Variants in SYNPR observed in about 807,000 individuals in gnomAD.
SYNPR encodes the protein synaptoporin.
In SYNPR, 23 loss-of-function variants were observed where a neutral mutation model predicts 32.9. The ratio of observed to expected loss-of-function variants is 0.70; its 90% confidence interval spans 0.50 to 0.99. The LOEUF is 0.99. SYNPR is among the 50% of genes least tolerant of loss of function. The probability of loss-of-function intolerance (pLI) is 0.00; values close to 1 mark genes in which losing one functional copy is unlikely to be tolerated. For synonymous variants in SYNPR, 146 were observed against 135.9 expected, an observed-to-expected ratio of 1.07 and a Z score of -0.52; for missense variants, 318 against 349.3, an observed-to-expected ratio of 0.91 and a Z score of 0.71.
chr3:63,595,920 T>TTTATATATATAG lies in SYNPR; in HGVS notation c.409-13194_409-13193insGTTATATATATA, dbSNP rs1444479265. On this transcript the variant is annotated intron_variant, in intron 4 of 5. Transcript: ENST00000478300. ...ATATATATAGTTATATATATATAGT[T>TTTATATATATAG]TTATATATATATAGTTTTATATATA... is the stretch of plus-strand genomic sequence containing the variant. Among the ~76,000 whole-genome samples, 32 of 93,146 alleles carry TTTATATATATAG rather than the reference T, an allele frequency of 3.4e-4. 1 individual carries two copies. The highest frequency in any genetic ancestry group is 1.1e-3 in the African/African-American group (29 of 25,668). 61.1% of individuals were successfully genotyped at this position (93,146 alleles called of 152,430 possible). A position where few individuals can be genotyped will look rare whatever the true frequency, so the allele number is the denominator to read the frequency against.
rs117983897 is a variant in SYNPR at position 63,374,218 on chromosome 3, A to G, written c.84+95476A>G. ...TATTATTTTGAAATATGTTCCTTTAATGCCTAATTTGTTGAGGGTTTTTTA... is the reference window on the plus strand; with the variant it reads ...TATTATTTTGAAATATGTTCCTTTAGTGCCTAATTTGTTGAGGGTTTTTTA... On this transcript the variant is annotated intron_variant, in intron 2 of 5. Coordinates refer to ENST00000478300, the MANE Select transcript of SYNPR (RefSeq NM_001130003.2). Among the ~76,000 whole-genome samples the G allele has an allele frequency of 6.6e-5, 10 of 152,278 alleles. No homozygotes were observed. In the East Asian group the frequency reaches 1.9e-3, roughly 29 times the overall value.
chr3:63,495,051 G>A (rs1299778182), intron 3 of SYNPR, among the ~76,000 whole-genome samples: 2 of 152,182 alleles, frequency 1.3e-5, no homozygotes, highest in Non-Finnish European at 2.9e-5. Context: ...AATAAACTGT[G>A]AAGGAAGAAC....
chr3:63,471,606 G>A (rs1013214679), intron 2 of SYNPR, among the ~76,000 whole-genome samples: 4 of 152,254 alleles, frequency 2.6e-5, no homozygotes, highest in Non-Finnish European at 5.9e-5. Flanking sequence ...CCTGTATAGG[G>A]AGTGGAGCAT....
At chr3:63,526,106 G>A (rs1702006858) in intron 3 of SYNPR, among the ~76,000 whole-genome samples, 1 of 152,300 alleles carries the variant, frequency 6.6e-6, no homozygotes, top group Non-Finnish European at 1.5e-5. Flanking sequence ...CTAAGATTGA[G>A]AATGACACCA....
Position 63,278,417 on chromosome 3 carries a change from A to G in SYNPR, c.-117A>G, listed in dbSNP as rs2106914996. On this transcript the variant is annotated 5_prime_UTR_variant, in exon 1 of 6. Coordinates refer to ENST00000478300, the MANE Select transcript of SYNPR (RefSeq NM_001130003.2). Reference sequence around the variant, plus strand: ...CCCCCTGCCCTCGCCGGGCTGCTCCAGGGTGTCGCTCCTCTGGCTGCTCCC... The same window carrying G: ...CCCCCTGCCCTCGCCGGGCTGCTCCGGGGTGTCGCTCCTCTGGCTGCTCCC... 7.5e-7 allele frequency: 1 copy of G among 1,340,244 alleles called. No homozygotes were observed. Among genetic ancestry groups the G allele is most frequent in the Non-Finnish European group, 1.0e-6 (1 of 997,916 alleles). 83.0% of individuals were successfully genotyped at this position (1,340,244 alleles called of 1,614,324 possible). A position where few individuals can be genotyped will look rare whatever the true frequency, so the allele number is the denominator to read the frequency against.
chr3:63,525,426 C>G (rs950568625), intron 3 of SYNPR, among the ~76,000 whole-genome samples: 18 of 152,234 alleles, frequency 1.2e-4, no homozygotes, highest in Admixed American at 5.2e-4. Context: ...TCCCCAGGAA[C>G]TTCTAATGGA....
chr3:63,290,856 G>A (rs1443580703), intron 2 of SYNPR, among the ~76,000 whole-genome samples: 2 of 152,120 alleles, frequency 1.3e-5, no homozygotes, highest in East Asian at 3.9e-4. Flanking sequence ...TCATCCATCT[G>A]GTCTACTCTG....
chr3:63,528,057 A>G (rs1300447840), intron 3 of SYNPR, among the ~76,000 whole-genome samples: 4 of 152,316 alleles, frequency 2.6e-5, no homozygotes, highest in Middle Eastern at 3.4e-3. Context: ...ACATGTTCAT[A>G]TCTGATTTTG....
intron 2 of SYNPR, among the ~76,000 whole-genome samples, chr3:63,297,654 T>C (rs896285426): frequency 1.3e-5 from 2 of 152,190 alleles, no homozygotes; most frequent in African/African-American, 4.8e-5. Flanking sequence ...CAAGATAGTC[T>C]GGTAATACTT....
At chr3:63,403,481 G>C (rs940784861) in intron 2 of SYNPR, among the ~76,000 whole-genome samples, 4 of 150,540 alleles carry the variant, frequency 2.7e-5, no homozygotes, top group Non-Finnish European at 4.4e-5. Context: ...TAGAGAGAGA[G>C]GATGAGACAG....
At chr3:63,425,457 G>A (rs1209360581) in intron 2 of SYNPR, among the ~76,000 whole-genome samples, 1 of 152,168 alleles carries the variant, frequency 6.6e-6, no homozygotes, top group Non-Finnish European at 1.5e-5. Context: ...TATGAAGGTG[G>A]TTTACAGTCC....
At chr3:63,495,201 T>C (rs1182174920) in intron 3 of SYNPR, among the ~76,000 whole-genome samples, 1 of 152,224 alleles carries the variant, frequency 6.6e-6, no homozygotes, top group African/African-American at 2.4e-5. Context: ...AACTAGCAGC[T>C]GTCACTTAGA....
In SYNPR at chr3:63,340,966, T is replaced by C. The variant is rs376725287; in HGVS notation, c.84+62224T>C. 4.0e-4 allele frequency among the ~76,000 whole-genome samples: 61 copies of C among 152,306 alleles called. 2 individuals carry two copies. The highest frequency in any genetic ancestry group is 1.4e-3 in the African/African-American group (57 of 41,564). On this transcript the variant is annotated intron_variant, in intron 2 of 5. Coordinates refer to ENST00000478300, the MANE Select transcript of SYNPR (RefSeq NM_001130003.2). ...GTTTTGTCAAATGCATGAGGTCGTG[T>C]ATGCACATTTACAGTGTCATACAGA...
At chr3:63,472,989 TG>T (rs1700832840) in intron 2 of SYNPR, among the ~76,000 whole-genome samples, 1 of 152,152 alleles carries the variant, frequency 6.6e-6, no homozygotes, top group South Asian at 2.1e-4. Context: ...CTGTCGTTTT[TG>T]GATCCCTGGT....
intron 2 of SYNPR, among the ~76,000 whole-genome samples, chr3:63,444,619 A>G (rs1418488416): frequency 1.3e-5 from 2 of 152,168 alleles, no homozygotes; most frequent in African/African-American, 2.4e-5. Context: ...GCTCGTAGGC[A>G]TAGATTTTTT....
At chr3:63,443,540 G>A (rs569841638) in intron 2 of SYNPR, 3 of 1,501,306 alleles carry the variant, frequency 2.0e-6, no homozygotes, top group Middle Eastern at 1.7e-4. Flanking sequence ...GTCTCCATAG[G>A]CACATTTGGA....
chr3:63,320,048 C>T (rs957383517), intron 2 of SYNPR, among the ~76,000 whole-genome samples: 1 of 151,996 alleles, frequency 6.6e-6, no homozygotes, highest in Non-Finnish European at 1.5e-5. Context: ...CTCCTGAGCT[C>T]AAGCAGTTCT....
the SYNPR span, among the ~76,000 whole-genome samples, chr3:63,219,682 A>G: frequency 6.6e-6 from 1 of 152,224 alleles, no homozygotes; most frequent in Non-Finnish European, 1.5e-5. Context: ...AAGCTAGAGA[A>G]AAGAAAATAT....
intron 2 of SYNPR, among the ~76,000 whole-genome samples, chr3:63,450,553 T>A (rs939423845): frequency 2.1e-4 from 32 of 152,120 alleles, no homozygotes; most frequent in African/African-American, 7.5e-4. Flanking sequence ...GAAATGTATG[T>A]GTTTTGGGTT....
Sources: gnomAD v4.1 joint callset for allele counts (sites outside exome capture counted in the v4.1 genomes callset) on GRCh38, gnomAD v4.1.1 for gene constraint, MANE v1.5 for transcripts, NCBI Gene and HGNC (gene_info 2026-07-23, HGNC 2026-07-21) for gene names.